SLC44A5: variants seen among roughly 807,000 people sequenced by gnomAD.
SLC44A5 encodes solute carrier family 44 member 5, also known as choline transporter-like protein 5.
A neutral mutation model predicts 101.8 loss-of-function variants in SLC44A5; 57 were observed. The observed-to-expected ratio is 0.56, with a 90% CI of 0.45 to 0.70. The LOEUF (loss-of-function observed/expected upper bound fraction) is 0.70. Ranked by LOEUF, SLC44A5 falls within the 30% of genes least tolerant of loss-of-function variation. SLC44A5 has a pLI of 0.00. For missense variants in SLC44A5, 737 were observed against 853.1 expected (o/e 0.86, Z 1.70); for synonymous variants, 281 against 290.9 (o/e 0.97, Z 0.35).
chr1:75,387,363 A>G (rs1256093037), intron 3 of SLC44A5, among the ~76,000 whole-genome samples: 22 of 130,136 alleles, frequency 1.7e-4, no homozygotes, highest in African/African-American at 6.6e-4. Context: ...CAAATTTACA[A>G]GAAAAAAACA....
chr1:75,463,626 T>C (rs1666641644), intron 2 of SLC44A5, among the ~76,000 whole-genome samples: 1 of 151,766 alleles, frequency 6.6e-6, no homozygotes, highest in African/African-American at 2.4e-5. Flanking sequence ...CCTTCAAACA[T>C]AAAGGAGAAA....
rs59962302 is a variant in SLC44A5, at chr1:75,330,106, T to TAC, written c.101+9474_101+9475dup. Among the ~76,000 whole-genome samples, 1,078 of 128,620 alleles carry TAC rather than the reference T, an allele frequency of 8.4e-3. 11 individuals are homozygous for TAC. Among genetic ancestry groups the TAC allele is most frequent in the East Asian group, 0.024 (113 of 4,674 alleles). The allele number at this position is 128,620 out of a possible 152,430, so 84.4% of individuals were successfully genotyped here. Reference sequence around the variant, plus strand: ...GTGTGGCAAATGAAATATATATATATACACACACACACACACACACACACA... The same window carrying TAC: ...GTGTGGCAAATGAAATATATATATATACACACACACACACACACACACACACA... On this transcript the variant is annotated intron_variant, in intron 4 of 23. Coordinates refer to ENST00000370859, the MANE Select transcript of SLC44A5 (RefSeq NM_001130058.2).
At chr1:75,520,845 A>G (rs1289686180) in intron 2 of SLC44A5, among the ~76,000 whole-genome samples, 1 of 152,132 alleles carries the variant, frequency 6.6e-6, no homozygotes, top group Admixed American at 6.5e-5. Flanking sequence ...ACAATACACT[A>G]TTTTTCAATT....
chr1:75,341,418 G>T (rs1208717575), intron 3 of SLC44A5, among the ~76,000 whole-genome samples: 1 of 152,068 alleles, frequency 6.6e-6, no homozygotes, highest in Non-Finnish European at 1.5e-5. Flanking sequence ...GGAGGCGGAC[G>T]TTGCAGTGAG....
the SLC44A5 span, among the ~76,000 whole-genome samples, chr1:75,645,993 A>C: frequency 0.65 from 85,246 of 131,592 alleles, 33,808 homozygotes; most frequent in East Asian, 0.87. Flanking sequence ...TGGTCCATAT[A>C]TCTGTTCTGG....
At chr1:75,440,499 G>T (rs1665135283) in intron 2 of SLC44A5, among the ~76,000 whole-genome samples, 1 of 152,030 alleles carries the variant, frequency 6.6e-6, no homozygotes, top group African/African-American at 2.4e-5. Flanking sequence ...CAAAGCTAGG[G>T]TAAAGGATAC....
intron 2 of SLC44A5, among the ~76,000 whole-genome samples, chr1:75,405,904 A>G (rs1287773352): frequency 1.3e-5 from 2 of 151,738 alleles, no homozygotes; most frequent in Non-Finnish European, 2.9e-5. Flanking sequence ...AAACCCTTTA[A>G]AAAATCAATG....
chr1:75,329,045 G>A (rs11163144), intron 4 of SLC44A5, among the ~76,000 whole-genome samples: 1,672 of 152,250 alleles, frequency 0.011, 37 homozygotes, highest in African/African-American at 0.038. Context: ...TTACCTGGGC[G>A]ATGAAATAAT....
At chr1:75,291,139 T>C (rs1459713991) in intron 5 of SLC44A5, among the ~76,000 whole-genome samples, 1 of 152,246 alleles carries the variant, frequency 6.6e-6, no homozygotes, top group Non-Finnish European at 1.5e-5. Context: ...CTGATTACTT[T>C]AATACACTTA....
chr1:75,545,543 G>A (rs1385944523), intron 1 of SLC44A5, among the ~76,000 whole-genome samples: 1 of 152,174 alleles, frequency 6.6e-6, no homozygotes, highest in South Asian at 2.1e-4. Flanking sequence ...AGTATAACAT[G>A]TCAGGGATCA....
intron 1 of SLC44A5, among the ~76,000 whole-genome samples, chr1:75,603,357 C>T (rs1570722312): frequency 2.0e-5 from 3 of 147,184 alleles, no homozygotes; most frequent in Non-Finnish European, 1.5e-5. Context: ...GTATTTGTAC[C>T]TTTTTTTTTT....
At chr1:75,236,897 T>C (rs1307960263) in intron 11 of SLC44A5, 90 bp downstream of exon 11, 1 of 662,740 alleles carries the variant, frequency 1.5e-6, no homozygotes, top group Non-Finnish European at 2.5e-6. Flanking sequence ...CTTTTATTCA[T>C]GAATAAAAAT....
chr1:75,323,187 C>T (rs554282002), intron 4 of SLC44A5, among the ~76,000 whole-genome samples: 7 of 147,928 alleles, frequency 4.7e-5, no homozygotes, highest in African/African-American at 1.0e-4. Context: ...TGAGAATATG[C>T]GGTGTTTGGT....
chr1:75,639,448 C>T, the SLC44A5 span, among the ~76,000 whole-genome samples: 24 of 152,142 alleles, frequency 1.6e-4, no homozygotes, highest in African/African-American at 4.8e-4. Flanking sequence ...AAAATACTAC[C>T]TCTCTCAAAT....
intron 1 of SLC44A5, among the ~76,000 whole-genome samples, chr1:75,604,697 CG>C (rs563265799): frequency 6.6e-6 from 1 of 151,594 alleles, no homozygotes; most frequent in African/African-American, 2.4e-5. Flanking sequence ...ATTTCAGCAG[CG>C]TTTTGTAGTT....
At chr1:75,254,043 CTT>C (rs562073781) in intron 6 of SLC44A5, among the ~76,000 whole-genome samples, 1 of 146,730 alleles carries the variant, frequency 6.8e-6, no homozygotes. Context: ...GGGACCACAA[CTT>C]TTTTTTTTTT....
At chr1:75,373,239 G>T (rs892737313) in intron 3 of SLC44A5, among the ~76,000 whole-genome samples, 1 of 152,080 alleles carries the variant, frequency 6.6e-6, no homozygotes, top group South Asian at 2.1e-4. Context: ...ACCAAAAATC[G>T]ATAGGGAGGT....
intron 2 of SLC44A5, among the ~76,000 whole-genome samples, chr1:75,482,173 A>G (rs1667902900): frequency 6.6e-6 from 1 of 151,960 alleles, no homozygotes; most frequent in African/African-American, 2.4e-5. Context: ...CACAAGGATA[A>G]AAAACCAAAC....
chr1:75,356,749 C>T (rs979481255), intron 3 of SLC44A5, among the ~76,000 whole-genome samples: 1 of 152,154 alleles, frequency 6.6e-6, no homozygotes, highest in Non-Finnish European at 1.5e-5. Flanking sequence ...TTGTAAGTGC[C>T]GTATTTACAG....
Sources: allele counts gnomAD v4.1 joint callset (sites outside exome capture counted in the v4.1 genomes callset), GRCh38; gene constraint gnomAD v4.1.1; transcripts MANE v1.5; gene names NCBI Gene and HGNC (gene_info 2026-07-23, HGNC 2026-07-21).